SHROOM3: variants seen among roughly 807,000 people sequenced by gnomAD.
SHROOM3 encodes the protein protein Shroom3.
SHROOM3 carries 47 observed loss-of-function variants against 138.6 expected under a neutral mutation model. The ratio of observed to expected loss-of-function variants is 0.34; its 90% CI spans 0.27 to 0.43. The LOEUF (loss-of-function observed/expected upper bound fraction) is 0.43. Among genes scored for constraint, SHROOM3 ranks in the 20% least tolerant of loss-of-function variants. The pLI, the probability that SHROOM3 is intolerant of heterozygous loss-of-function variation, is 1.00. For synonymous variants in SHROOM3, 1,062 were observed against 1,063.3 expected (o/e 1.00, Z 0.02); for missense variants, 2,491 against 2,596.5 (o/e 0.96, Z 0.88).
intron 2 of SHROOM3, among the ~76,000 whole-genome samples, chr4:76,707,633 GTTCAATGTACAGGTAAGGTA>G (rs1720095759): frequency 1.3e-5 from 2 of 152,084 alleles, no homozygotes; most frequent in African/African-American, 4.8e-5. Flanking sequence ...GACAGCATGA[GTTCAATGTACAGGTAAGGTA>G]TTCAATGTAC....
chr4:76,589,861 A>G (rs1734228228), intron 2 of SHROOM3, among the ~76,000 whole-genome samples: 1 of 152,214 alleles, frequency 6.6e-6, no homozygotes, highest in Non-Finnish European at 1.5e-5. Context: ...GTGGATCATT[A>G]GTTCTTCCAT....
At chr4:76,446,761 G>A (rs931942755) in intron 1 of SHROOM3, among the ~76,000 whole-genome samples, 1 of 152,192 alleles carries the variant, frequency 6.6e-6, no homozygotes, top group Non-Finnish European at 1.5e-5. Flanking sequence ...ATGAGCCCCG[G>A]TTATGAGCTG....
At chr4:76,567,161 G>A (rs1733742365) in intron 2 of SHROOM3, among the ~76,000 whole-genome samples, 1 of 152,196 alleles carries the variant, frequency 6.6e-6, no homozygotes, top group Non-Finnish European at 1.5e-5. Context: ...ACAGTTGCTT[G>A]GTTAGTGTGT....
intron 1 of SHROOM3, among the ~76,000 whole-genome samples, chr4:76,448,322 C>G (rs755503831): frequency 6.6e-6 from 1 of 152,024 alleles, no homozygotes; most frequent in Non-Finnish European, 1.5e-5. Context: ...GTCACTGCAC[C>G]CTAAAGGAGC....
chr4:76,743,924 G>A (rs1721346774), intron 5 of SHROOM3, among the ~76,000 whole-genome samples: 1 of 152,176 alleles, frequency 6.6e-6, no homozygotes, highest in East Asian at 1.9e-4. Context: ...CTGCATAGCA[G>A]TCTAGACACC....
chr4:76,534,061 G>A (rs537963750), intron 1 of SHROOM3, among the ~76,000 whole-genome samples: 8 of 152,198 alleles, frequency 5.3e-5, no homozygotes, highest in African/African-American at 1.9e-4. Flanking sequence ...GAGACTCGGG[G>A]GTCCAATAAA....
chr4:76,641,724 G>A (rs1735674351), intron 2 of SHROOM3, among the ~76,000 whole-genome samples: 1 of 152,176 alleles, frequency 6.6e-6, no homozygotes, highest in Non-Finnish European at 1.5e-5. Flanking sequence ...TAAGCAGCCA[G>A]GATCTAGGAA....
chr4:76,754,177 T>C lies in SHROOM3; in HGVS notation c.3828-134T>C, dbSNP rs535664300. On this transcript the variant is annotated intron_variant, in intron 6 of 10. Coordinates refer to ENST00000296043, the MANE Select transcript of SHROOM3 (RefSeq NM_020859.4). ...TCCTGTGAGCAGCCAGGGAAGACAG[T>C]GTGCAGTTTCTGGGGGAAGGAAAAG... 9.1e-5 allele frequency: 102 copies of C among 1,118,126 alleles called. No homozygotes were observed. In the Middle Eastern group the frequency reaches 1.6e-3, roughly 17 times the overall value. 69.3% of individuals were successfully genotyped at this position (1,118,126 alleles called of 1,614,324 possible).
At chr4:76,602,540 C>T (rs1213424256) in intron 2 of SHROOM3, among the ~76,000 whole-genome samples, 1 of 151,816 alleles carries the variant, frequency 6.6e-6, no homozygotes, top group Non-Finnish European at 1.5e-5. Context: ...CTGGGGCTTA[C>T]TAGTGGCAAT....
intron 7 of SHROOM3, 124 bp downstream of exon 7, chr4:76,755,316 C>G (rs1037938194): frequency 1.0e-5 from 12 of 1,181,020 alleles, no homozygotes; most frequent in Admixed American, 8.2e-5. Flanking sequence ...CAGCTCAGCT[C>G]AGGACACTGT....
chr4:76,616,929 T>G (rs1734895441), intron 2 of SHROOM3, among the ~76,000 whole-genome samples: 1 of 152,198 alleles, frequency 6.6e-6, no homozygotes, highest in Non-Finnish European at 1.5e-5. Flanking sequence ...GAACAGATAG[T>G]GAAGTTAAAC....
At chr4:76,464,581 G>T (rs1278784094) in intron 1 of SHROOM3, among the ~76,000 whole-genome samples, 1 of 152,034 alleles carries the variant, frequency 6.6e-6, no homozygotes, top group African/African-American at 2.4e-5. Context: ...GAGGGGGCAG[G>T]GTGGAATGAT....
intron 1 of SHROOM3, among the ~76,000 whole-genome samples, chr4:76,468,767 CA>C (rs1560515450): frequency 6.6e-6 from 1 of 152,090 alleles, no homozygotes; most frequent in Non-Finnish European, 1.5e-5. Flanking sequence ...CGGTAGCTCA[CA>C]CCTGTAATTC....
intron 1 of SHROOM3, among the ~76,000 whole-genome samples, chr4:76,517,519 G>A (rs1732467947): frequency 6.6e-6 from 1 of 151,988 alleles, no homozygotes; most frequent in South Asian, 2.1e-4. Context: ...TTTTTGACAT[G>A]ATGTGCTAGA....
Position 76,471,938 on chromosome 4 carries a change from C to G in SHROOM3, c.168+35718C>G, listed in dbSNP as rs1170071443. Among the ~76,000 whole-genome samples, 3 of 152,118 alleles carry G rather than the reference C, an allele frequency of 2.0e-5. No individual in the cohort carries two copies. The East Asian group carries it at 5.8e-4, about 29-fold the overall frequency. On this transcript the variant is annotated intron_variant, in intron 1 of 10. Coordinates refer to ENST00000296043, the MANE Select transcript of SHROOM3 (RefSeq NM_020859.4). ...CAGACTACCTGGTTTTACATCCTGT[C>G]TCTGCTGTTTGTTAGTTGTATGATC...
chr4:76,524,610 G>A (rs1446646263), intron 1 of SHROOM3, among the ~76,000 whole-genome samples: 1 of 152,164 alleles, frequency 6.6e-6, no homozygotes, highest in Non-Finnish European at 1.5e-5. Context: ...CCTGGATGGG[G>A]CATGTTAGGT....
At chr4:76,537,796 C>T (rs1185037883) in intron 1 of SHROOM3, among the ~76,000 whole-genome samples, 1 of 152,176 alleles carries the variant, frequency 6.6e-6, no homozygotes, top group African/African-American at 2.4e-5. Context: ...CCTTGCTCCA[C>T]CCCAAGTCAG....
rs996074170 is a variant in SHROOM3, at chr4:76,475,386, G to A, written c.168+39166G>A. 4.5e-4 allele frequency among the ~76,000 whole-genome samples: 69 copies of A among 152,168 alleles called. 1 individual carries two copies. The highest frequency in any genetic ancestry group is 4.6e-4 in the Admixed American group (7 of 15,260). ...TTGTCAAGGACTGTGAAGGATCTGAGAATTGACCTTACCAGCAAGCTAACA... is the reference window on the plus strand; with the variant it reads ...TTGTCAAGGACTGTGAAGGATCTGAAAATTGACCTTACCAGCAAGCTAACA... On this transcript the variant is annotated intron_variant, in intron 1 of 10. Transcript: ENST00000296043.
At chr4:76,708,778 G>C (rs1720140405) in intron 2 of SHROOM3, among the ~76,000 whole-genome samples, 1 of 152,162 alleles carries the variant, frequency 6.6e-6, no homozygotes, top group Non-Finnish European at 1.5e-5. Context: ...TAAAACCATG[G>C]TACACTGCCT....
Sources: allele counts gnomAD v4.1 joint callset (sites outside exome capture counted in the v4.1 genomes callset), GRCh38; gene constraint gnomAD v4.1.1; transcripts MANE v1.5; gene names NCBI Gene and HGNC (gene_info 2026-07-23, HGNC 2026-07-21).